Variants in SPATA17 observed in about 807,000 individuals in gnomAD.
The protein encoded by SPATA17 is spermatogenesis-associated protein 17.
In SPATA17, 53 loss-of-function variants were observed where a neutral mutation model predicts 62.2. That is an observed-to-expected ratio of 0.85 (90% CI 0.68 to 1.07). The LOEUF is 1.07. Ranked by LOEUF, SPATA17 falls within the 50% of genes least tolerant of loss-of-function variation. The pLI, the probability that SPATA17 is intolerant of heterozygous loss-of-function variation, is 0.00. For synonymous variants in SPATA17, 146 were observed against 146.8 expected (o/e 0.99, Z 0.04); for missense variants, 466 against 425.5 (o/e 1.10, Z -0.84).
chr1:217,857,965 C>A (rs991504597), intron 9 of SPATA17, among the ~76,000 whole-genome samples: 3 of 152,040 alleles, frequency 2.0e-5, no homozygotes, highest in African/African-American at 7.2e-5. Context: ...ATTGCAGACA[C>A]CAAAATGTTA....
chr1:217,782,300 C>A lies in SPATA17; in HGVS notation c.850C>A (p.Leu284Met). 1 of 1,609,702 alleles carries A rather than the reference C, an allele frequency of 6.2e-7. No homozygotes were observed. The highest frequency in any genetic ancestry group is 8.5e-7 in the Non-Finnish European group (1 of 1,178,186). ...AREELRREEW[L>M]QNVNDNMFLP... ...AGAGGAGCTCAGAAGAGAGGAATGG[C>A]TGCAAAATGTAAATGACAATATGTG... is the stretch of plus-strand genomic sequence containing the variant. Residue 284 changes from leucine (L) to methionine (M), a missense_variant, in exon 8 of 11, where the codon CTG (leucine) becomes ATG (methionine). Coordinates refer to ENST00000366933, the MANE Select transcript of SPATA17 (RefSeq NM_138796.4).
At chr1:217,714,488 C>CTTTTT (rs750665329) in intron 5 of SPATA17, among the ~76,000 whole-genome samples, 15 of 121,432 alleles carry the variant, frequency 1.2e-4, no homozygotes, top group Admixed American at 2.4e-4. Context: ...AAACGTGTTT[C>CTTTTT]TTTTTTTTTT....
intron 9 of SPATA17, among the ~76,000 whole-genome samples, chr1:217,844,374 C>G (rs1675478595): frequency 6.6e-6 from 1 of 151,856 alleles, no homozygotes; most frequent in Non-Finnish European, 1.5e-5. Flanking sequence ...GAGGAGTGGC[C>G]CAGGTAAAAG....
At chr1:217,785,084 T>C (rs1019835488) in intron 8 of SPATA17, 2 of 152,210 alleles carry the variant, frequency 1.3e-5, no homozygotes, top group Non-Finnish European at 2.9e-5. Context: ...TATTAATCTT[T>C]ATGTTTTTCA....
chr1:217,865,883 A>G (rs1460659799), intron 10 of SPATA17, among the ~76,000 whole-genome samples: 1 of 152,176 alleles, frequency 6.6e-6, no homozygotes, highest in East Asian at 1.9e-4. Context: ...GAGGCCCGAT[A>G]AGATGAGTTT....
intron 9 of SPATA17, among the ~76,000 whole-genome samples, chr1:217,828,635 G>T (rs1160920463): frequency 6.6e-6 from 1 of 150,586 alleles, no homozygotes; most frequent in Non-Finnish European, 1.5e-5. Context: ...GCACAGCAAA[G>T]GAAACAATCA....
intron 9 of SPATA17, among the ~76,000 whole-genome samples, chr1:217,827,790 C>A (rs1349967873): frequency 6.6e-6 from 1 of 152,054 alleles, no homozygotes; most frequent in Admixed American, 6.5e-5. Flanking sequence ...GAACAGAAAA[C>A]CAAACACCAC....
Position 217,832,847 on chromosome 1 carries a change from A to G in SPATA17, c.1006-29927A>G, listed in dbSNP as rs190570311. 5.4e-4 allele frequency among the ~76,000 whole-genome samples: 82 copies of G among 152,018 alleles called. No homozygotes were observed. In the East Asian group the frequency reaches 0.01, roughly 19 times the overall value. On this transcript the variant is annotated intron_variant, in intron 9 of 10. Coordinates refer to ENST00000366933, the MANE Select transcript of SPATA17 (RefSeq NM_138796.4). ...AGTCCCAGCTACTTGAGAGGCCGACATGGGAGGATCACCTGATCCTGGGGA... is the reference window on the plus strand; with the variant it reads ...AGTCCCAGCTACTTGAGAGGCCGACGTGGGAGGATCACCTGATCCTGGGGA...
At chr1:217,736,101 A>G (rs1436522672) in intron 5 of SPATA17, among the ~76,000 whole-genome samples, 2 of 152,124 alleles carry the variant, frequency 1.3e-5, no homozygotes, top group African/African-American at 4.8e-5. Flanking sequence ...CAAAATCAAG[A>G]AACAGTTTAA....
At chr1:217,686,086 A>G (rs914202282) in intron 5 of SPATA17, among the ~76,000 whole-genome samples, 2 of 152,150 alleles carry the variant, frequency 1.3e-5, no homozygotes, top group African/African-American at 2.4e-5. Context: ...CTTGGAACAC[A>G]TTCTCTGTGA....
At position 217,867,531 on chromosome 1, in the gene SPATA17, G is replaced by C. The variant is rs1676040819; in HGVS notation, c.*512G>C. The C allele has an allele frequency of 6.6e-6, 1 of 152,232 alleles. No homozygotes were observed. Among genetic ancestry groups the C allele is most frequent in the Admixed American group, 6.5e-5 (1 of 15,272 alleles). The allele number at this position is 152,232 out of a possible 1,614,324, so 9.4% of individuals were successfully genotyped here. A position where few individuals can be genotyped will look rare whatever the true frequency, so the allele number is the denominator to read the frequency against. ...ACACAGACACAACAGACACAGACTA[G>C]TGGGTGTGGGAGCAGAAGCATAGGC... On this transcript the variant is annotated 3_prime_UTR_variant, in exon 11 of 11. Transcript: ENST00000366933.
chr1:217,822,315 T>C (rs1674884039), intron 9 of SPATA17, among the ~76,000 whole-genome samples: 1 of 152,088 alleles, frequency 6.6e-6, no homozygotes, highest in Non-Finnish European at 1.5e-5. Context: ...TAACAATTTA[T>C]TCTAAAAATC....
chr1:217,766,557 C>T (rs1027617319), intron 6 of SPATA17, among the ~76,000 whole-genome samples: 1 of 151,874 alleles, frequency 6.6e-6, no homozygotes, highest in Non-Finnish European at 1.5e-5. Flanking sequence ...GCATATGCCT[C>T]ATAATTGAAT....
intron 5 of SPATA17, among the ~76,000 whole-genome samples, chr1:217,694,689 T>G (rs1671415886): frequency 2.0e-5 from 3 of 151,228 alleles, no homozygotes; most frequent in Admixed American, 6.6e-5. Flanking sequence ...GCAGGCCTGG[T>G]GGTGACAAAA....
At chr1:217,813,688 A>T (rs925799255) in intron 9 of SPATA17, among the ~76,000 whole-genome samples, 9 of 152,064 alleles carry the variant, frequency 5.9e-5, no homozygotes, top group African/African-American at 2.2e-4. Context: ...TATATTAGAG[A>T]CTGAATTTTT....
chr1:217,739,349 A>G (rs1672578311), intron 5 of SPATA17: 1 of 152,184 alleles, frequency 6.6e-6, no homozygotes, highest in Non-Finnish European at 1.5e-5. Flanking sequence ...GCAAACACAG[A>G]GATTCTAATT....
At chr1:217,829,593 A>G (rs891615327) in intron 9 of SPATA17, among the ~76,000 whole-genome samples, 6 of 125,560 alleles carry the variant, frequency 4.8e-5, no homozygotes, top group Non-Finnish European at 9.4e-5. Flanking sequence ...GCACCATTGC[A>G]CTCCAGCCTG....
chr1:217,815,988 G>T (rs1674704466), intron 9 of SPATA17, among the ~76,000 whole-genome samples: 1 of 152,072 alleles, frequency 6.6e-6, no homozygotes, highest in Non-Finnish European at 1.5e-5. Context: ...GAACTGCTCT[G>T]AAGCAGAATG....
intron 5 of SPATA17, among the ~76,000 whole-genome samples, chr1:217,701,796 C>T (rs560460462): frequency 2.6e-5 from 4 of 152,124 alleles, no homozygotes; most frequent in Non-Finnish European, 5.9e-5. Flanking sequence ...TATACTCTTT[C>T]GTTTCCGTTT....
Sources: gnomAD v4.1 joint callset for allele counts (sites outside exome capture counted in the v4.1 genomes callset) on GRCh38, gnomAD v4.1.1 for gene constraint, MANE v1.5 for transcripts, NCBI Gene and HGNC (gene_info 2026-07-23, HGNC 2026-07-21) for gene names.